RALGAPA1: variants seen among roughly 807,000 people sequenced by gnomAD.
RALGAPA1 encodes Ral GTPase activating protein catalytic subunit alpha 1.
Under a neutral mutation model 269.6 loss-of-function variants are expected in RALGAPA1, and 52 were observed. The ratio of observed to expected loss-of-function variants is 0.19; its 90% CI spans 0.15 to 0.24. The LOEUF is 0.24. Ranked by LOEUF, RALGAPA1 falls within the 10% of genes least tolerant of loss-of-function variation. The pLI is 1.00. For synonymous variants in RALGAPA1, 817 were observed against 1,008.3 expected (o/e 0.81, Z 3.60); for missense variants, 1,917 against 3,013.9 (o/e 0.64, Z 8.52).
chr14:35,707,049 A>G (rs1417857998), intron 16 of RALGAPA1: 2 of 152,052 alleles, frequency 1.3e-5, no homozygotes, highest in Admixed American at 6.6e-5. Context: ...CCTCATATAG[A>G]TCTTGTAAAT....
At chr14:35,577,005 T>C (rs1403007892) in intron 37 of RALGAPA1, among the ~76,000 whole-genome samples, 1 of 152,248 alleles carries the variant, frequency 6.6e-6, no homozygotes, top group Non-Finnish European at 1.5e-5. Flanking sequence ...TTGCAGTCTA[T>C]GGTTTTCCCT....
intron 37 of RALGAPA1, among the ~76,000 whole-genome samples, chr14:35,580,588 T>A (rs1186789077): frequency 6.6e-6 from 1 of 152,168 alleles, no homozygotes; most frequent in Non-Finnish European, 1.5e-5. Context: ...GCTGCTACTG[T>A]CTTGAGCCTT....
chr14:35,586,406 T>C (rs968956292), intron 37 of RALGAPA1, among the ~76,000 whole-genome samples: 1 of 152,218 alleles, frequency 6.6e-6, no homozygotes, highest in Non-Finnish European at 1.5e-5. Flanking sequence ...CAGGGACAAG[T>C]TGACTTCCTC....
At chr14:35,571,599 G>A (rs1331468225) in intron 38 of RALGAPA1, among the ~76,000 whole-genome samples, 6 of 151,966 alleles carry the variant, frequency 3.9e-5, no homozygotes, top group South Asian at 4.2e-4. Context: ...GCTTGAACCC[G>A]GGAGGCGGAG....
In RALGAPA1 at chr14:35,672,882, T is replaced by C. The variant is rs2064596502; in HGVS notation, c.5058A>G (p.Leu1686=). The change falls in exon 25 of 42, where the codon TTA becomes TTG. Residue 1686 remains leucine, a synonymous_variant. Coordinates refer to ENST00000680220, the MANE Select transcript of RALGAPA1 (RefSeq NM_001346249.2). ...ATATAGTTACCTGGTCAATATGAAG[T>C]AATCCACAATGCATTATATTGTAGA... The part of the protein sequence containing the change: ...THFYNIMHCG[L]LHIDQDIVNT... The C allele has an allele frequency of 1.9e-6, 3 of 1,546,370 alleles. No homozygotes were observed. In the South Asian group the frequency reaches 3.7e-5, roughly 19 times the overall value.
At chr14:35,738,788 C>T (rs571842489) in intron 11 of RALGAPA1, 138 bp from the exon 12 acceptor site, 43 of 621,756 alleles carry the variant, frequency 6.9e-5, no homozygotes, top group African/African-American at 5.3e-4. Context: ...GATGTCTTAT[C>T]CAAATCCAAA....
chr14:35,744,757 C>A (rs1450449175), intron 10 of RALGAPA1, among the ~76,000 whole-genome samples: 2 of 152,144 alleles, frequency 1.3e-5, no homozygotes, highest in Non-Finnish European at 2.9e-5. Context: ...AGATTTTGAT[C>A]ATCACTGCCT....
chr14:35,699,371 G>A (rs1352630471), intron 17 of RALGAPA1, among the ~76,000 whole-genome samples: 1 of 152,154 alleles, frequency 6.6e-6, no homozygotes, highest in African/African-American at 2.4e-5. Flanking sequence ...GGTAGTGGAA[G>A]TGTCCTATAA....
At chr14:35,570,952 C>G (rs2057139332) in intron 38 of RALGAPA1, among the ~76,000 whole-genome samples, 1 of 152,144 alleles carries the variant, frequency 6.6e-6, no homozygotes, top group African/African-American at 2.4e-5. Context: ...GGTGTCTATT[C>G]AAAAGAACTA....
At chr14:35,678,512 G>A (rs1285551673) in intron 21 of RALGAPA1, among the ~76,000 whole-genome samples, 1 of 152,100 alleles carries the variant, frequency 6.6e-6, no homozygotes, top group Non-Finnish European at 1.5e-5. Flanking sequence ...GGTTTACAGT[G>A]GTTCCCAGCC....
chr14:35,655,810 T>C lies in RALGAPA1; in HGVS notation c.5493A>G (p.Leu1831=), dbSNP rs781655630. ...KEALNVICVS[L]KFTNKTVAHV... ...TTCACTAAACAGTTTTCTTTACCTTTAAGGAAACACAAATCACATTCAGAG... is the reference window on the plus strand; with the variant it reads ...TTCACTAAACAGTTTTCTTTACCTTCAAGGAAACACAAATCACATTCAGAG... Residue 1831 remains leucine (L), a synonymous_variant, in exon 29 of 42, where the codon TTA becomes TTG. Coordinates refer to ENST00000680220, the MANE Select transcript of RALGAPA1 (RefSeq NM_001346249.2). 37 of 1,612,580 alleles carry C rather than the reference T, an allele frequency of 2.3e-5. No homozygotes were observed. The highest frequency in any genetic ancestry group is 3.0e-5 in the Non-Finnish European group (35 of 1,179,492).
intron 39 of RALGAPA1, among the ~76,000 whole-genome samples, chr14:35,559,486 G>A (rs1041372315): frequency 6.6e-6 from 1 of 151,856 alleles, no homozygotes; most frequent in African/African-American, 2.4e-5. Context: ...ACATCATAGG[G>A]TTTTAATACA....
chr14:35,626,986 A>G (rs1303177609), intron 34 of RALGAPA1, 104 bp downstream of exon 34: 1 of 1,160,044 alleles, frequency 8.6e-7, no homozygotes, highest in Non-Finnish European at 1.2e-6. Context: ...ACTAATTGGT[A>G]GATAAAATTT....
At position 35,748,738 on chromosome 14, in the gene RALGAPA1, A is replaced by G. The variant is rs765249903; in HGVS notation, c.1098T>C (p.Ser366=). 2.5e-6 allele frequency: 4 copies of G among 1,612,982 alleles called. No individual in the cohort carries two copies. Among genetic ancestry groups the G allele is most frequent in the Non-Finnish European group, 3.4e-6 (4 of 1,179,768 alleles). Residue 366 remains serine, a synonymous_variant, in exon 10 of 42, where the codon TCT becomes TCC. Transcript: ENST00000680220. ...KTDRTTEPEQ[S]HSNTSTLTER... ...CCGTGAGAGTGCTTGTATTGGAATGAGACTGTTCGGGTTCTGTAGTTCTGT... is the reference window on the plus strand; with the variant it reads ...CCGTGAGAGTGCTTGTATTGGAATGGGACTGTTCGGGTTCTGTAGTTCTGT...
chr14:35,582,884 C>T (rs183774873), intron 37 of RALGAPA1, among the ~76,000 whole-genome samples: 24 of 152,214 alleles, frequency 1.6e-4, no homozygotes, highest in Admixed American at 1.6e-3. Flanking sequence ...AGGGAAGAGA[C>T]TGAAAAACAC....
chr14:35,590,771 C>T (rs1021341529), intron 37 of RALGAPA1, among the ~76,000 whole-genome samples: 2 of 152,178 alleles, frequency 1.3e-5, no homozygotes, highest in East Asian at 3.9e-4. Flanking sequence ...GAGTCCTAAA[C>T]TTCCTTTTAA....
intron 16 of RALGAPA1, among the ~76,000 whole-genome samples, chr14:35,716,463 A>C (rs1375584399): frequency 6.6e-6 from 1 of 151,692 alleles, no homozygotes; most frequent in Non-Finnish European, 1.5e-5. Context: ...TAAATATTTC[A>C]GGATTCATCT....
intron 26 of RALGAPA1, among the ~76,000 whole-genome samples, chr14:35,668,220 C>T (rs539274697): frequency 3.9e-5 from 6 of 152,260 alleles, no homozygotes; most frequent in African/African-American, 7.2e-5. Flanking sequence ...TGGTGGCTCA[C>T]GCCTGTAATC....
intron 5 of RALGAPA1, 23 bp from the exon 6 acceptor site, chr14:35,761,029 A>G (rs576627171): frequency 1.3e-6 from 2 of 1,511,442 alleles, no homozygotes; most frequent in Admixed American, 4.0e-5. Flanking sequence ...GAAAATAGAC[A>G]GTATTTTTAT....
Sources: gnomAD v4.1 joint callset for allele counts (sites outside exome capture counted in the v4.1 genomes callset) on GRCh38, gnomAD v4.1.1 for gene constraint, MANE v1.5 for transcripts, NCBI Gene and HGNC (gene_info 2026-07-23, HGNC 2026-07-21) for gene names.